The following CACNA2D3 variants were observed in gnomAD, a reference collection of about 807,000 sequenced individuals.
The protein encoded by CACNA2D3 is voltage-dependent calcium channel subunit alpha-2/delta-3.
A neutral mutation model predicts 160.6 loss-of-function variants in CACNA2D3; 60 were observed. The observed-to-expected ratio is 0.37, with a 90% CI of 0.30 to 0.46. CACNA2D3 has a LOEUF of 0.46. Among genes scored for constraint, CACNA2D3 ranks in the 20% least tolerant of loss-of-function variants. The pLI is 1.00. For missense variants in CACNA2D3, 1,205 were observed against 1,365.0 expected (o/e 0.88, Z 1.85); for synonymous variants, 558 against 492.9 (o/e 1.13, Z -1.75).
At chr3:54,232,961 T>A (rs1427194002) in intron 2 of CACNA2D3, among the ~76,000 whole-genome samples, 1 of 152,170 alleles carries the variant, frequency 6.6e-6, no homozygotes, top group South Asian at 2.1e-4. Flanking sequence ...CAAGGAGTTG[T>A]CAGTCTACTG....
chr3:54,409,092 T>C (rs1459938811), intron 4 of CACNA2D3, among the ~76,000 whole-genome samples: 1 of 152,220 alleles, frequency 6.6e-6, no homozygotes, highest in African/African-American at 2.4e-5. Context: ...TTTGCTCTAT[T>C]GCCCATCACA....
chr3:54,517,917 C>T (rs571486271), intron 5 of CACNA2D3, among the ~76,000 whole-genome samples: 18 of 152,250 alleles, frequency 1.2e-4, no homozygotes, highest in African/African-American at 3.4e-4. Context: ...AAAGTTGCCC[C>T]GGGCATCCTA....
At chr3:54,552,328 G>GC (rs1241452068) in intron 5 of CACNA2D3, among the ~76,000 whole-genome samples, 1 of 152,152 alleles carries the variant, frequency 6.6e-6, no homozygotes, top group Non-Finnish European at 1.5e-5. Flanking sequence ...GCCTGAGGGA[G>GC]CCCCCTCTTC....
intron 11 of CACNA2D3, among the ~76,000 whole-genome samples, chr3:54,724,150 A>G (rs574297508): frequency 9.2e-4 from 140 of 152,360 alleles, no homozygotes; most frequent in African/African-American, 3.1e-3. Context: ...TTAAACCAAC[A>G]AAGATTGAAA....
At chr3:54,858,386 C>A (rs1287762106) in intron 17 of CACNA2D3, among the ~76,000 whole-genome samples, 1 of 152,096 alleles carries the variant, frequency 6.6e-6, no homozygotes, top group Non-Finnish European at 1.5e-5. Flanking sequence ...AGGACCATCT[C>A]ACCGGGGGTA....
chr3:54,772,485 C>T (rs191370853), intron 13 of CACNA2D3, among the ~76,000 whole-genome samples: 1 of 146,614 alleles, frequency 6.8e-6, no homozygotes, highest in East Asian at 2.1e-4. Flanking sequence ...TTGCATTTAA[C>T]CAATTCTAGA....
intron 13 of CACNA2D3, among the ~76,000 whole-genome samples, chr3:54,809,732 T>G (rs144031520): frequency 0.014 from 2,176 of 151,798 alleles, 31 homozygotes; most frequent in African/African-American, 0.039. Context: ...CCCTTCCTTT[T>G]TTCTTTTTCT....
rs575934002 is a variant in CACNA2D3, at chr3:54,418,523, C to T, written c.381+31749C>T. Among the ~76,000 whole-genome samples, 26 of 152,260 alleles carry T rather than the reference C, an allele frequency of 1.7e-4. No homozygotes were observed. In the South Asian group the frequency reaches 3.9e-3, roughly 23 times the overall value. ...CTTTTGTCTGGTCAGAATGCCTCTTCGATTACAAGGAAATAAAAGATGATT... is the reference window on the plus strand; with the variant it reads ...CTTTTGTCTGGTCAGAATGCCTCTTTGATTACAAGGAAATAAAAGATGATT... On this transcript the variant is annotated intron_variant, in intron 4 of 37. Transcript: ENST00000474759.
chr3:54,895,774 C>G (rs1050323772), intron 25 of CACNA2D3, among the ~76,000 whole-genome samples: 1 of 152,170 alleles, frequency 6.6e-6, no homozygotes. Context: ...CTGAGTTGCA[C>G]CGTATCAGCC....
chr3:54,169,723 A>C (rs568722965), intron 2 of CACNA2D3, among the ~76,000 whole-genome samples: 1 of 151,114 alleles, frequency 6.6e-6, no homozygotes, highest in East Asian at 1.9e-4. Context: ...GCATGTGTGC[A>C]AGTGTGCGTG....
At chr3:54,891,260 C>A (rs887685876) in intron 24 of CACNA2D3, 95 bp from the exon 25 acceptor site, 29 of 639,816 alleles carry the variant, frequency 4.5e-5, no homozygotes, top group Middle Eastern at 4.7e-4. Context: ...TTCAAAACTG[C>A]TATTTGGTAA....
Position 54,756,408 on chromosome 3 carries a change from C to T in CACNA2D3, c.1246+3731C>T, listed in dbSNP as rs372513032. ...TAAGGGGTTTTGGACCATGTAACAT[C>T]GGTGAGCAAGTATTCTTCTATGGTC... On this transcript the variant is annotated intron_variant, in intron 12 of 37. Coordinates refer to ENST00000474759, the MANE Select transcript of CACNA2D3 (RefSeq NM_018398.3). Among the ~76,000 whole-genome samples the T allele has an allele frequency of 1.2e-4, 19 of 152,258 alleles. No individual in the cohort carries two copies. The East Asian group carries it at 1.7e-3, about 14-fold the overall frequency.
At chr3:54,655,885 G>A (rs1465127248) in intron 11 of CACNA2D3, among the ~76,000 whole-genome samples, 2 of 152,186 alleles carry the variant, frequency 1.3e-5, no homozygotes, top group African/African-American at 4.8e-5. Flanking sequence ...GACTACCTGG[G>A]TGGGTATCTA....
intron 2 of CACNA2D3, among the ~76,000 whole-genome samples, chr3:54,253,595 G>A (rs1366743811): frequency 6.6e-6 from 1 of 152,112 alleles, no homozygotes; most frequent in Admixed American, 6.6e-5. Flanking sequence ...GATGACAATT[G>A]GACGTGAGAT....
chr3:54,926,948 C>T (rs1701040354), intron 27 of CACNA2D3, among the ~76,000 whole-genome samples: 1 of 152,176 alleles, frequency 6.6e-6, no homozygotes, highest in Non-Finnish European at 1.5e-5. Flanking sequence ...ACCAAAGTAG[C>T]TGTAACACTC....
chr3:55,043,163 T>C (rs1024857627), intron 35 of CACNA2D3, among the ~76,000 whole-genome samples: 2 of 152,110 alleles, frequency 1.3e-5, no homozygotes, highest in African/African-American at 2.4e-5. Flanking sequence ...GTGTGTTTAA[T>C]TGTAGAAGAA....
intron 11 of CACNA2D3, among the ~76,000 whole-genome samples, chr3:54,687,140 T>TTTTTTTTTTTTTTTTTTTTTTTG (rs1559549449): frequency 1.4e-5 from 1 of 69,670 alleles, no homozygotes; most frequent in African/African-American, 6.0e-5. Context: ...TTTTTGTTTT[T>TTTTTTTTTTTTTTTTTTTTTTTG]TTTTTTTTTT....
chr3:54,271,785 T>TGTGA (rs1221287980), intron 2 of CACNA2D3, among the ~76,000 whole-genome samples: 1 of 152,188 alleles, frequency 6.6e-6, no homozygotes, highest in East Asian at 1.9e-4. Context: ...GGTGCCCTGC[T>TGTGA]GTCACCTGTC....
At chr3:55,022,136 T>TA (rs1703469621) in intron 35 of CACNA2D3, among the ~76,000 whole-genome samples, 1 of 152,170 alleles carries the variant, frequency 6.6e-6, no homozygotes, top group Non-Finnish European at 1.5e-5. Flanking sequence ...ATTTTGAAGT[T>TA]ATGTTACTTA....
Sources: gnomAD v4.1 joint callset for allele counts (sites outside exome capture counted in the v4.1 genomes callset) on GRCh38, gnomAD v4.1.1 for gene constraint, MANE v1.5 for transcripts, NCBI Gene and HGNC (gene_info 2026-07-23, HGNC 2026-07-21) for gene names.